GALNT13: variants seen among roughly 807,000 people sequenced by gnomAD.
GALNT13 encodes the protein UDP-GalNAc:polypeptide N-acetylgalactosaminyltransferase 13.
GALNT13 carries 28 observed loss-of-function variants against 64.2 expected under a neutral mutation model. The ratio of observed to expected loss-of-function variants is 0.44; its 90% CI spans 0.32 to 0.60. GALNT13 has a LOEUF of 0.60. Among genes scored for constraint, GALNT13 ranks in the 20% least tolerant of loss-of-function variants. The probability of loss-of-function intolerance (pLI) is 0.05; values close to 1 mark genes in which losing one functional copy is unlikely to be tolerated. For synonymous variants in GALNT13, 214 were observed against 224.6 expected, an observed-to-expected ratio of 0.95 and a Z score of 0.42; for missense variants, 577 against 669.8, an observed-to-expected ratio of 0.86 and a Z score of 1.53.
intron 8 of GALNT13, among the ~76,000 whole-genome samples, chr2:154,262,411 T>C (rs1329358401): frequency 6.6e-6 from 1 of 152,208 alleles, no homozygotes; most frequent in Non-Finnish European, 1.5e-5. Flanking sequence ...TAATCTTATC[T>C]TCCTCTTATA....
At chr2:153,605,108 A>G in the GALNT13 span, among the ~76,000 whole-genome samples, 1 of 152,056 alleles carries the variant, frequency 6.6e-6, no homozygotes, top group African/African-American at 2.4e-5. Context: ...GTTGTTTTAA[A>G]GGAAAGCACA....
the GALNT13 span, among the ~76,000 whole-genome samples, chr2:153,581,445 C>T: frequency 6.6e-6 from 1 of 151,848 alleles, no homozygotes; most frequent in East Asian, 1.9e-4. Flanking sequence ...GTTTGTAGAA[C>T]ACAAATATTT....
the GALNT13 span, among the ~76,000 whole-genome samples, chr2:153,451,949 G>T: frequency 6.6e-6 from 1 of 152,180 alleles, no homozygotes; most frequent in Admixed American, 6.5e-5. Flanking sequence ...TTGGCTTCCT[G>T]ACTAAAAAAT....
the GALNT13 span, among the ~76,000 whole-genome samples, chr2:153,398,001 CA>C: frequency 1.3e-5 from 2 of 151,722 alleles, no homozygotes; most frequent in Non-Finnish European, 2.9e-5. Context: ...ATACATGTGC[CA>C]TGCTGGTGTG....
chr2:153,310,928 A>C, the GALNT13 span, among the ~76,000 whole-genome samples: 4,619 of 152,296 alleles, frequency 0.03, 102 homozygotes, highest in Middle Eastern at 0.092. Flanking sequence ...GGAAGGATCA[A>C]TTCCTATCTG....
the GALNT13 span, among the ~76,000 whole-genome samples, chr2:153,086,318 G>A: frequency 6.6e-6 from 1 of 152,152 alleles, no homozygotes; most frequent in Non-Finnish European, 1.5e-5. Flanking sequence ...GAAATGTGAA[G>A]ACATGAGATT....
intron 8 of GALNT13, among the ~76,000 whole-genome samples, chr2:154,288,085 C>T (rs148601139): frequency 3.2e-4 from 49 of 152,110 alleles, no homozygotes; most frequent in African/African-American, 1.2e-3. Flanking sequence ...ACTCACAGTT[C>T]CACATGACTG....
the GALNT13 span, among the ~76,000 whole-genome samples, chr2:153,771,349 C>T: frequency 6.6e-6 from 1 of 152,130 alleles, no homozygotes; most frequent in African/African-American, 2.4e-5. Context: ...GTGCTAAATG[C>T]TTGGAGTTAC....
chr2:153,298,087 G>A, the GALNT13 span, among the ~76,000 whole-genome samples: 12 of 152,244 alleles, frequency 7.9e-5, no homozygotes, highest in Non-Finnish European at 1.0e-4. Flanking sequence ...TTAAAGGTGC[G>A]CCTTCTTTCT....
At position 153,908,088 on chromosome 2, in the gene GALNT13, A is replaced by T. The variant is rs533421471; in HGVS notation, c.-105+7081A>T. Among the ~76,000 whole-genome samples, 37 of 152,156 alleles carry T rather than the reference A, an allele frequency of 2.4e-4. 1 individual carries two copies. The highest frequency in any genetic ancestry group is 7.5e-4 in the African/African-American group (31 of 41,550). ...GTCTGTTCTGTTATTTGACTTTTTCATAATAGCCATTCTGACTGGTGTAAG... is the reference window on the plus strand; with the variant it reads ...GTCTGTTCTGTTATTTGACTTTTTCTTAATAGCCATTCTGACTGGTGTAAG... On this transcript the variant is annotated intron_variant, in intron 2 of 12. Coordinates refer to ENST00000392825, the MANE Select transcript of GALNT13 (RefSeq NM_052917.4).
At chr2:154,061,526 A>T (rs1700184335) in intron 3 of GALNT13, among the ~76,000 whole-genome samples, 1 of 152,178 alleles carries the variant, frequency 6.6e-6, no homozygotes, top group African/African-American at 2.4e-5. Context: ...TAAACATGGA[A>T]TGCTCAACAT....
the GALNT13 span, among the ~76,000 whole-genome samples, chr2:153,559,191 T>G: frequency 6.6e-6 from 1 of 152,198 alleles, no homozygotes; most frequent in African/African-American, 2.4e-5. Flanking sequence ...AATGATTACC[T>G]AATTCTATGT....
At chr2:154,043,451 T>C (rs905841880) in intron 3 of GALNT13, among the ~76,000 whole-genome samples, 1,647 of 113,562 alleles carry the variant, frequency 0.015, 93 homozygotes, top group African/African-American at 0.048. Context: ...TATATATATA[T>C]ATATACACAC....
At chr2:153,771,725 T>TGCCC in the GALNT13 span, among the ~76,000 whole-genome samples, 1 of 152,086 alleles carries the variant, frequency 6.6e-6, no homozygotes, top group African/African-American at 2.4e-5. Context: ...ATATGTCTAG[T>TGCCC]CATAAAGCGG....
chr2:153,856,461 G>A, the GALNT13 span, among the ~76,000 whole-genome samples: 1 of 152,112 alleles, frequency 6.6e-6, no homozygotes, highest in Non-Finnish European at 1.5e-5. Flanking sequence ...TTAAAACGTG[G>A]ATCTAAGGTT....
At chr2:154,354,558 G>A (rs1021006276) in intron 9 of GALNT13, among the ~76,000 whole-genome samples, 2 of 150,760 alleles carry the variant, frequency 1.3e-5, no homozygotes, top group Non-Finnish European at 2.9e-5. Context: ...TTACATTTAA[G>A]TCCTTTGTTC....
At chr2:153,150,164 A>G in the GALNT13 span, among the ~76,000 whole-genome samples, 1 of 151,942 alleles carries the variant, frequency 6.6e-6, no homozygotes, top group South Asian at 2.1e-4. Context: ...GATGTACTAT[A>G]TTATTTGACT....
the GALNT13 span, among the ~76,000 whole-genome samples, chr2:153,647,653 G>A: frequency 1.3e-5 from 2 of 152,156 alleles, no homozygotes; most frequent in Non-Finnish European, 2.9e-5. Flanking sequence ...TAAGGTGTAA[G>A]GAAGGGATCC....
chr2:153,330,751 C>A, the GALNT13 span, among the ~76,000 whole-genome samples: 1 of 151,990 alleles, frequency 6.6e-6, no homozygotes, highest in African/African-American at 2.4e-5. Flanking sequence ...CTTCATTTCC[C>A]ATTCGTATGC....
Sources: gnomAD v4.1 joint callset for allele counts (sites outside exome capture counted in the v4.1 genomes callset) on GRCh38, gnomAD v4.1.1 for gene constraint, MANE v1.5 for transcripts, NCBI Gene and HGNC (gene_info 2026-07-23, HGNC 2026-07-21) for gene names.